Variants in ADAMTS10 observed in about 807,000 individuals in gnomAD.
The protein encoded by ADAMTS10 is ADAM metallopeptidase with thrombospondin type 1 motif 10, also known as A disintegrin and metalloproteinase with thrombospondin motifs 10.
ADAMTS10 carries 48 observed loss-of-function variants against 135.9 expected under a neutral mutation model. The observed-to-expected ratio is 0.35, with a 90% confidence interval of 0.28 to 0.45. ADAMTS10 has a LOEUF of 0.45. Among genes scored for constraint, ADAMTS10 ranks in the 20% least tolerant of loss-of-function variants. The pLI is 1.00. For synonymous variants in ADAMTS10, 621 were observed against 647.5 expected (o/e 0.96, Z 0.62); for missense variants, 1,131 against 1,565.2 (o/e 0.72, Z 4.68).
Position 8,586,693 on chromosome 19 carries a change from C to A in ADAMTS10, c.2268G>T (p.Leu756=). Reference sequence around the variant, plus strand: ...GGGGGGTCCCAGGCAGCCCCTCCAGCAGCAGGGACTCCTGGTCTCCCTTCA... The same window carrying A: ...GGGGGGTCCCAGGCAGCCCCTCCAGAAGCAGGGACTCCTGGTCTCCCTTCA... The part of the protein sequence containing the change: ...LALKGDQESL[L]LEGLPGTPQP... Residue 756 remains leucine, a synonymous_variant, in exon 20 of 26, where the codon CTG becomes CTT. Coordinates refer to ENST00000597188, the MANE Select transcript of ADAMTS10 (RefSeq NM_030957.4). 1 of 1,613,302 alleles carries A rather than the reference C, an allele frequency of 6.2e-7. No individual in the cohort carries two copies. The highest frequency in any genetic ancestry group is 1.1e-5 in the South Asian group (1 of 91,062).
chr19:8,589,115 T>C (rs1397438199), intron 18 of ADAMTS10, 127 bp downstream of exon 18: 12 of 1,503,290 alleles, frequency 8.0e-6, no homozygotes, highest in African/African-American at 1.4e-5. Flanking sequence ...TTTTGGGGAC[T>C]CCTGACACTC....
At chr19:8,592,334 T>A in intron 13 of ADAMTS10, 1 of 799,820 alleles carries the variant, frequency 1.3e-6, no homozygotes, top group Non-Finnish European at 1.9e-6. Flanking sequence ...CGGGGAGGGG[T>A]GTAGACAGGA....
rs992529957 is a variant in ADAMTS10, at chr19:8,584,925, C to G, written c.3172G>C (p.Asp1058His). 1 of 1,548,934 alleles carries G rather than the reference C, an allele frequency of 6.5e-7. No individual in the cohort carries two copies. The highest frequency in any genetic ancestry group is 8.7e-7 in the Non-Finnish European group (1 of 1,146,480). Reference protein sequence around the residue: ...PTTQQCEAKCDSPTPGDGPEE... With the variant: ...PTTQQCEAKCHSPTPGDGPEE... ...GGGCCGTCCCCGGGGGTTGGGCTGT[C>G]GCACTTGGCCTCACACTGCTGCGTG... The change falls in exon 25 of 26, where the codon GAC becomes CAC. Residue 1058 changes from aspartate to histidine, a missense_variant. By Grantham distance (81) the Asp-to-His change is moderately conservative (BLOSUM62 -1). Around this residue, in one of 3 missense-constraint regions of ADAMTS10, gnomAD observed 745 missense variants for 1,056.3 expected, o/e 0.71. Coordinates refer to ENST00000597188, the MANE Select transcript of ADAMTS10 (RefSeq NM_030957.4).
Position 8,600,983 on chromosome 19 carries a change from A to T in ADAMTS10, c.755T>A (p.Val252Glu). 1 of 1,614,108 alleles carries T rather than the reference A, an allele frequency of 6.2e-7. No individual in the cohort carries two copies. The highest frequency in any genetic ancestry group is 8.5e-7 in the Non-Finnish European group (1 of 1,180,022). Residue 252 changes from valine to glutamate, a missense_variant, in exon 6 of 26, where the codon GTG becomes GAG. This residue lies in a region of ADAMTS10 where 80 missense variants were observed against 164.4 expected (regional missense o/e 0.49). Transcript: ENST00000597188. ...ETLVVADKMM[V>E]AYHGRRDVEQ... The stretch of plus-strand genomic sequence containing the variant: ...CACATCCCGGCGCCCGTGATAGGCC[A>T]CCATCATCTTGTCAGCCACCACCAG...
At position 8,589,347 on chromosome 19, in the gene ADAMTS10, C is replaced by A. The variant is rs1161501085; in HGVS notation, c.2053G>T (p.Val685Phe). ...GECKHVGCDR[V>F]LGSDLREDKC... ...TCCTCCCGCAGGTCGGAGCCCAGGA[C>A]TCGGTCGCAGCCCACGTGCTGCGTG... Residue 685 changes from valine (V) to phenylalanine (F), a missense_variant, in exon 18 of 26, where the codon GTC becomes TTC. Physicochemically the swap from Val to Phe is conservative, Grantham distance 50. This residue lies in a region of ADAMTS10 where 745 missense variants were observed against 1,056.3 expected (regional missense o/e 0.71). Coordinates refer to ENST00000597188, the MANE Select transcript of ADAMTS10 (RefSeq NM_030957.4). The A allele has an allele frequency of 6.2e-7, 1 of 1,612,230 alleles. No homozygotes were observed. The highest frequency in any genetic ancestry group is 2.2e-5 in the East Asian group (1 of 44,886).
intron 13 of ADAMTS10, 36 bp downstream of exon 13, chr19:8,592,727 G>T: frequency 6.3e-7 from 1 of 1,584,994 alleles, no homozygotes; most frequent in Non-Finnish European, 8.6e-7. Context: ...TGGCTCAGGG[G>T]GCGTGGCCCA....
rs1555736577 is a variant in ADAMTS10, at chr19:8,585,168, G to A, written c.3006C>T (p.Cys1002=). The A allele has an allele frequency of 4.3e-6, 6 of 1,410,164 alleles. No homozygotes were observed. Among genetic ancestry groups the A allele is most frequent in the Non-Finnish European group, 4.6e-6 (5 of 1,087,856 alleles). The allele number at this position is 1,410,164 out of a possible 1,614,324, so 87.4% of individuals were successfully genotyped here. The change falls in exon 24 of 26, where the codon TGC becomes TGT. Residue 1002 remains cysteine, a synonymous_variant. Coordinates refer to ENST00000597188, the MANE Select transcript of ADAMTS10 (RefSeq NM_030957.4). ...CGCCAGCCACCCAGCGGGCCGGGGG[G>A]CAGCGGCGCAAGTTGCAGCGCATGG... ...PATMRCNLRR[C]PPARWVAGEW...
rs782548245 is a variant in ADAMTS10, at chr19:8,589,328, C to T, written c.2072G>A (p.Arg691Gln). 17 of 1,612,402 alleles carry T rather than the reference C, an allele frequency of 1.1e-5. No homozygotes were observed. The highest frequency in any genetic ancestry group is 2.2e-5 in the East Asian group (1 of 44,882). The change falls in exon 18 of 26, where the codon CGG becomes CAG. Residue 691 changes from arginine to glutamine, a missense_variant. Coordinates refer to ENST00000597188, the MANE Select transcript of ADAMTS10 (RefSeq NM_030957.4). ...GCCACACACTCGGCACTTGTCCTCC[C>T]GCAGGTCGGAGCCCAGGACTCGGTC... ...GCDRVLGSDL[R>Q]EDKCRVCGGD...
chr19:8,586,491 C>G, intron 20 of ADAMTS10, 21 bp from the exon 21 acceptor site: 3 of 1,613,340 alleles, frequency 1.9e-6, no homozygotes, highest in Middle Eastern at 1.6e-4. Flanking sequence ...GGGGCGGCAG[C>G]CAGTGGAAGG....
At chr19:8,593,916 C>G (rs2042573748) in intron 12 of ADAMTS10, among the ~76,000 whole-genome samples, 1 of 152,164 alleles carries the variant, frequency 6.6e-6, no homozygotes, top group Non-Finnish European at 1.5e-5. Flanking sequence ...GGAAAGGACC[C>G]TTCCTAGGTC....
chr19:8,586,093 G>A (rs1174706384), intron 22 of ADAMTS10, 29 bp downstream of exon 22: 9 of 1,612,014 alleles, frequency 5.6e-6, no homozygotes, highest in Non-Finnish European at 7.6e-6. Flanking sequence ...CTCTCACCCT[G>A]AGCAACACTG....
intron 1 of ADAMTS10, among the ~76,000 whole-genome samples, chr19:8,609,945 A>G (rs782217989): frequency 1.3e-5 from 2 of 151,358 alleles, no homozygotes; most frequent in Non-Finnish European, 2.9e-5. Flanking sequence ...ACAACCACAC[A>G]CTCCCAGACA....
chr19:8,595,497 C>CT, intron 12 of ADAMTS10: 1 of 503,284 alleles, frequency 2.0e-6, no homozygotes, highest in Non-Finnish European at 3.6e-6. Flanking sequence ...CAGACAGAAG[C>CT]TGGCCCCCCA....
chr19:8,607,951 C>A (rs1555742848), intron 2 of ADAMTS10, among the ~76,000 whole-genome samples, 183 bp downstream of exon 2: 1 of 151,706 alleles, frequency 6.6e-6, no homozygotes, highest in Non-Finnish European at 1.5e-5. Flanking sequence ...GCTGGGACTA[C>A]AGGTGTGCGC....
rs5827004 is a variant in ADAMTS10, at chr19:8,582,027, TCAAACAAACAAA to T, written c.3203-1037_3203-1026del. 3.1e-3 allele frequency among the ~76,000 whole-genome samples: 463 copies of T among 149,834 alleles called. 1 individual carries two copies. Among genetic ancestry groups the T allele is most frequent in the Non-Finnish European group, 4.3e-3 (288 of 67,410 alleles). Reference sequence around the variant, plus strand: ...GCCTGGGCGACAGAGCGAGACCCTGTCAAACAAACAAACAAACAAACAAACAAACACGACCCA... The same window carrying T: ...GCCTGGGCGACAGAGCGAGACCCTGTCAAACAAACAAACAAACACGACCCA... On this transcript the variant is annotated intron_variant, in intron 25 of 25. Transcript: ENST00000597188.
chr19:8,601,174 C>G lies in ADAMTS10; in HGVS notation c.593-29G>C, dbSNP rs538384582. ...GGGAACCCAGTAGAGCAATTAAGCC[C>G]TGCCCTGCTGGTGGGACGCAGAGCT... is the stretch of plus-strand genomic sequence containing the variant. On this transcript the variant is annotated intron_variant, in intron 5 of 25. Transcript: ENST00000597188. This position sits in a 1 kb window ranked among gnomAD's most constrained non-coding sequence, Gnocchi z 4.6. The G allele has an allele frequency of 3.4e-5, 54 of 1,609,044 alleles. No homozygotes were observed. In the South Asian group the frequency reaches 5.6e-4, roughly 17 times the overall value.
rs2042609150 is a variant in ADAMTS10, at chr19:8,596,650, A to T, written c.1041-65T>A. 3 of 1,585,422 alleles carry T rather than the reference A, an allele frequency of 1.9e-6. No individual in the cohort carries two copies. The highest frequency in any genetic ancestry group is 2.2e-5 in the East Asian group (1 of 44,654). ...CTCCCTAAGCCCTGCTGATGCCACC[A>T]TGCCCAGCTCTGGGGGTTGAGTCCT... On this transcript the variant is annotated intron_variant, in intron 8 of 25. Coordinates refer to ENST00000597188, the MANE Select transcript of ADAMTS10 (RefSeq NM_030957.4). The surrounding 1 kb of genome is among the most constrained non-coding windows in gnomAD (Gnocchi z 7.2).
At chr19:8,602,718 C>G (rs1373875987) in intron 5 of ADAMTS10, among the ~76,000 whole-genome samples, 1 of 152,120 alleles carries the variant, frequency 6.6e-6, no homozygotes, top group Non-Finnish European at 1.5e-5. Context: ...CTCAATCTCC[C>G]TGGCTCAAGT....
At chr19:8,583,228 T>C (rs1036016718) in intron 25 of ADAMTS10, among the ~76,000 whole-genome samples, 5 of 152,120 alleles carry the variant, frequency 3.3e-5, no homozygotes, top group African/African-American at 1.2e-4. Context: ...GACTAAGGAA[T>C]TAATTGTTCT....
Sources: allele counts gnomAD v4.1 joint callset (sites outside exome capture counted in the v4.1 genomes callset), GRCh38; gene constraint gnomAD v4.1.1; regional missense constraint gnomAD v4.1.1; non-coding constraint Gnocchi (gnomAD v3.1); transcripts MANE v1.5; gene names NCBI Gene and HGNC (gene_info 2026-07-23, HGNC 2026-07-21).